SHISA6: variants seen among roughly 807,000 people sequenced by gnomAD.
SHISA6 encodes protein shisa-6.
Under a neutral mutation model 47.9 loss-of-function variants are expected in SHISA6, and 22 were observed. That is an observed-to-expected ratio of 0.46 (90% confidence interval 0.33 to 0.66). The LOEUF (loss-of-function observed/expected upper bound fraction) is 0.66. Among genes scored for constraint, SHISA6 ranks in the 30% least tolerant of loss-of-function variants. The pLI, the probability that SHISA6 is intolerant of heterozygous loss-of-function variation, is 0.02. For synonymous variants in SHISA6, 388 were observed against 337.8 expected (o/e 1.15, Z -1.63); for missense variants, 680 against 764.6 (o/e 0.89, Z 1.30).
chr17:11,476,689 T>A (rs1203894018), intron 3 of SHISA6, among the ~76,000 whole-genome samples: 1 of 151,916 alleles, frequency 6.6e-6, no homozygotes, highest in African/African-American at 2.4e-5. Flanking sequence ...ATATGGTCTA[T>A]CTTGGTGAGT....
intron 3 of SHISA6, among the ~76,000 whole-genome samples, chr17:11,548,718 T>C (rs2071904339): frequency 2.0e-5 from 3 of 152,064 alleles, no homozygotes; most frequent in Admixed American, 6.6e-5. Context: ...TTTTGAACAA[T>C]TTAAATACCA....
At position 11,241,328 on chromosome 17, in the gene SHISA6, C is replaced by A; in HGVS notation, c.-95C>A. 6 of 822,474 alleles carry A rather than the reference C, an allele frequency of 7.3e-6. No homozygotes were observed. Among genetic ancestry groups the A allele is most frequent in the Non-Finnish European group, 8.8e-6 (6 of 680,536 alleles). The allele number at this position is 822,474 out of a possible 1,614,324, so 50.9% of individuals were successfully genotyped here. ...CGGAGCCGCTGACCGCTCAGCGCCT[C>A]CAGCCCGGCCCGCGCGGCGGGTCCT... On this transcript the variant is annotated 5_prime_UTR_variant, in exon 1 of 6. Coordinates refer to ENST00000441885, the MANE Select transcript of SHISA6 (RefSeq NM_207386.4). The surrounding 1 kb of genome is among the most constrained non-coding windows in gnomAD (Gnocchi z 5.5).
At chr17:11,462,261 T>C (rs886335723) in intron 3 of SHISA6, among the ~76,000 whole-genome samples, 8 of 152,206 alleles carry the variant, frequency 5.3e-5, no homozygotes, top group Non-Finnish European at 8.8e-5. Flanking sequence ...CTGAATGTTT[T>C]ATCCAGTCAG....
At chr17:11,525,278 C>T (rs1009858088) in intron 3 of SHISA6, among the ~76,000 whole-genome samples, 2 of 152,050 alleles carry the variant, frequency 1.3e-5, no homozygotes, top group Non-Finnish European at 2.9e-5. Context: ...CACAACCAGT[C>T]GTAGGGGAGA....
intron 3 of SHISA6, among the ~76,000 whole-genome samples, chr17:11,512,392 C>T (rs1446289321): frequency 6.6e-6 from 1 of 152,190 alleles, no homozygotes; most frequent in East Asian, 1.9e-4. Flanking sequence ...GTTCAACTCA[C>T]ACACCCAGAA....
At chr17:11,257,535 C>T (rs1671269865) in intron 1 of SHISA6, among the ~76,000 whole-genome samples, 1 of 151,884 alleles carries the variant, frequency 6.6e-6, no homozygotes, top group African/African-American at 2.4e-5. Flanking sequence ...GTGGTGCTTG[C>T]CTATAGTATC....
At chr17:11,406,680 C>T (rs1377049312) in intron 3 of SHISA6, among the ~76,000 whole-genome samples, 1 of 152,190 alleles carries the variant, frequency 6.6e-6, no homozygotes, top group Non-Finnish European at 1.5e-5. Context: ...GAGCACAATG[C>T]CCAGAACAGA....
At chr17:11,246,178 C>A (rs1907579479) in intron 1 of SHISA6, among the ~76,000 whole-genome samples, 1 of 151,122 alleles carries the variant, frequency 6.6e-6, no homozygotes, top group African/African-American at 2.5e-5. Context: ...GCCTTTATTT[C>A]TTTTTTCTTT....
At chr17:11,535,113 A>G (rs1002983718) in intron 3 of SHISA6, among the ~76,000 whole-genome samples, 5 of 152,164 alleles carry the variant, frequency 3.3e-5, no homozygotes, top group African/African-American at 1.2e-4. Flanking sequence ...CAGCCTGGCA[A>G]CAAAGCGAGA....
chr17:11,287,250 A>G (rs1041262394), intron 2 of SHISA6, among the ~76,000 whole-genome samples: 1 of 149,536 alleles, frequency 6.7e-6, no homozygotes, highest in African/African-American at 2.5e-5. Context: ...GGAAGGAAGG[A>G]GGGAGGGAAG....
chr17:11,249,277 A>C (rs1907710425), intron 1 of SHISA6, among the ~76,000 whole-genome samples: 1 of 151,670 alleles, frequency 6.6e-6, no homozygotes, highest in Admixed American at 6.6e-5. Flanking sequence ...CCCGCCATCC[A>C]GTGGCCGTGT....
At chr17:11,252,433 C>G (rs759567290) in intron 1 of SHISA6, among the ~76,000 whole-genome samples, 1 of 152,184 alleles carries the variant, frequency 6.6e-6, no homozygotes, top group African/African-American at 2.4e-5. Flanking sequence ...AGCCACTTCT[C>G]TCTTCCTTCG....
intron 3 of SHISA6, among the ~76,000 whole-genome samples, chr17:11,486,844 T>C (rs1002749404): frequency 2.0e-5 from 3 of 152,200 alleles, no homozygotes; most frequent in African/African-American, 7.2e-5. Flanking sequence ...GCGAAAGAAA[T>C]AGGCAGACTG....
chr17:11,435,841 A>C (rs576775648), intron 3 of SHISA6, among the ~76,000 whole-genome samples: 86 of 152,268 alleles, frequency 5.6e-4, no homozygotes, highest in African/African-American at 2.0e-3. Context: ...TTACCTCCCA[A>C]AACTTCATAA....
At chr17:11,397,532 T>A (rs191860584) in intron 3 of SHISA6, among the ~76,000 whole-genome samples, 160 of 152,188 alleles carry the variant, frequency 1.1e-3, no homozygotes, top group Non-Finnish European at 2.1e-3. Context: ...TGTGGATGCA[T>A]AATTCCCTGA....
At chr17:11,261,930 A>G (rs1908247248) in intron 1 of SHISA6, among the ~76,000 whole-genome samples, 1 of 152,186 alleles carries the variant, frequency 6.6e-6, no homozygotes, top group Non-Finnish European at 1.5e-5. Flanking sequence ...TTCCATTTCC[A>G]CCAGTAGTGT....
rs150457715 is a variant in SHISA6 at position 11,446,208 on chromosome 17, C to A, written c.895+66699C>A. 7.7e-3 allele frequency among the ~76,000 whole-genome samples: 1,180 copies of A among 152,308 alleles called. 12 individuals are homozygous for A. The highest frequency in any genetic ancestry group is 0.027 in the African/African-American group (1,111 of 41,566). ...CCAAGGAAGATCAAGTGAAGGAGGACTCTGCATGCAGAGGGAAGAGCGTAG... is the reference window on the plus strand; with the variant it reads ...CCAAGGAAGATCAAGTGAAGGAGGAATCTGCATGCAGAGGGAAGAGCGTAG... On this transcript the variant is annotated intron_variant, in intron 3 of 5. Coordinates refer to ENST00000441885, the MANE Select transcript of SHISA6 (RefSeq NM_207386.4).
intron 3 of SHISA6, among the ~76,000 whole-genome samples, chr17:11,444,696 T>G (rs994185272): frequency 2.0e-5 from 3 of 152,160 alleles, no homozygotes; most frequent in Non-Finnish European, 2.9e-5. Flanking sequence ...ACTCCCTGAG[T>G]CTTACACCAA....
intron 3 of SHISA6, among the ~76,000 whole-genome samples, chr17:11,544,663 A>T (rs545731930): frequency 3.9e-5 from 6 of 152,308 alleles, no homozygotes; most frequent in African/African-American, 1.4e-4. Flanking sequence ...AAGATTTTTT[A>T]AAAATTAAAT....
Sources: gnomAD v4.1 joint callset for allele counts (sites outside exome capture counted in the v4.1 genomes callset) on GRCh38, gnomAD v4.1.1 for gene constraint, Gnocchi (gnomAD v3.1) non-coding constraint, MANE v1.5 for transcripts, NCBI Gene and HGNC (gene_info 2026-07-23, HGNC 2026-07-21) for gene names.